ITGBL1: variants seen among roughly 807,000 people sequenced by gnomAD.
The protein encoded by ITGBL1 is integrin beta-like protein 1.
In ITGBL1, 51 loss-of-function variants were observed where a neutral mutation model predicts 68.5. The observed-to-expected ratio is 0.74, with a 90% CI of 0.59 to 0.94. ITGBL1 has a LOEUF of 0.94. Among genes scored for constraint, ITGBL1 ranks in the 40% least tolerant of loss-of-function variants. The pLI is 0.00. For missense variants in ITGBL1, 649 were observed against 647.4 expected, an observed-to-expected ratio of 1.00 and a Z score of -0.03; for synonymous variants, 209 against 227.3, an observed-to-expected ratio of 0.92 and a Z score of 0.72.
downstream of ITGBL1, chr13:101,718,040 T>A (rs1355756539): frequency 6.6e-6 from 1 of 152,144 alleles, no homozygotes; most frequent in Non-Finnish European, 1.5e-5. Flanking sequence ...GTTCAAAATG[T>A]GATTCATCTA....
chr13:101,635,018 C>CT (rs149815835), intron 7 of ITGBL1, among the ~76,000 whole-genome samples: 16,094 of 148,280 alleles, frequency 0.11, 1,088 homozygotes, highest in African/African-American at 0.2. Flanking sequence ...TTCGAATTTC[C>CT]TTTTTTTTTA....
intron 1 of ITGBL1, among the ~76,000 whole-genome samples, chr13:101,453,373 A>T (rs2048190650): frequency 6.6e-6 from 1 of 152,178 alleles, no homozygotes; most frequent in Admixed American, 6.5e-5. Flanking sequence ...GTTCCTAAAG[A>T]CTGCTTAATG....
intron 6 of ITGBL1, among the ~76,000 whole-genome samples, chr13:101,583,953 T>C (rs1035620452): frequency 1.3e-5 from 2 of 152,224 alleles, no homozygotes; most frequent in African/African-American, 4.8e-5. Context: ...ACTACAAAAC[T>C]AGCAGAGCTG....
chr13:101,480,318 T>C (rs146458284), intron 2 of ITGBL1, among the ~76,000 whole-genome samples: 146 of 151,886 alleles, frequency 9.6e-4, no homozygotes, highest in African/African-American at 3.4e-3. Flanking sequence ...TACTAGAGGC[T>C]GGGAAGGGCA....
chr13:101,646,977 C>T (rs1337474710), intron 7 of ITGBL1, among the ~76,000 whole-genome samples: 1 of 151,940 alleles, frequency 6.6e-6, no homozygotes, highest in Non-Finnish European at 1.5e-5. Flanking sequence ...ATTAAATGGG[C>T]CAAAAATCTA....
chr13:101,658,021 T>C (rs1055893439), intron 7 of ITGBL1, among the ~76,000 whole-genome samples: 49 of 152,196 alleles, frequency 3.2e-4, no homozygotes, highest in African/African-American at 1.1e-3. Flanking sequence ...CTGATTTAAG[T>C]GATTACATCT....
intron 7 of ITGBL1, among the ~76,000 whole-genome samples, chr13:101,676,259 A>G (rs1420031926): frequency 2.0e-5 from 3 of 151,996 alleles, no homozygotes; most frequent in Admixed American, 2.0e-4. Context: ...TTGTTTATCA[A>G]AATCGGTAGA....
chr13:101,596,743 C>G (rs953121845), intron 6 of ITGBL1, among the ~76,000 whole-genome samples: 7 of 152,018 alleles, frequency 4.6e-5, no homozygotes, highest in Non-Finnish European at 7.3e-5. Flanking sequence ...ATATTCCATT[C>G]TTTGGATATA....
intron 6 of ITGBL1, among the ~76,000 whole-genome samples, chr13:101,583,613 T>G (rs1295159159): frequency 8.5e-5 from 13 of 152,170 alleles, no homozygotes. Context: ...TCACATTGCA[T>G]GCCCGTATCA....
chr13:101,717,883 A>G (rs920043263), downstream of ITGBL1: 3 of 152,032 alleles, frequency 2.0e-5, no homozygotes, highest in African/African-American at 7.2e-5. Context: ...TCTGTATGTT[A>G]TTATCCTTTT....
chr13:101,703,043 A>G (rs2034170958), intron 8 of ITGBL1, among the ~76,000 whole-genome samples: 1 of 152,192 alleles, frequency 6.6e-6, no homozygotes, highest in South Asian at 2.1e-4. Context: ...TGTCTCAGGC[A>G]TTGTGTTAGG....
chr13:101,553,382 A>G (rs1329691755), intron 2 of ITGBL1, among the ~76,000 whole-genome samples: 3 of 152,282 alleles, frequency 2.0e-5, no homozygotes, highest in East Asian at 3.9e-4. Context: ...CCTCTTAAGC[A>G]TATATATTAA....
chr13:101,553,887 G>A (rs1209777909), intron 2 of ITGBL1, among the ~76,000 whole-genome samples: 1 of 151,968 alleles, frequency 6.6e-6, no homozygotes, highest in Non-Finnish European at 1.5e-5. Context: ...CAATTCAACT[G>A]TCTCAACCTC....
At chr13:101,517,727 G>A (rs1313683662) in intron 2 of ITGBL1, among the ~76,000 whole-genome samples, 5 of 152,200 alleles carry the variant, frequency 3.3e-5, no homozygotes, top group African/African-American at 4.8e-5. Flanking sequence ...AGCCAGTGTG[G>A]TGGAGGGTTA....
chr13:101,720,370 C>T (rs1224692093), downstream of ITGBL1: 1 of 151,982 alleles, frequency 6.6e-6, no homozygotes, highest in East Asian at 1.9e-4. Flanking sequence ...TTATAGACAC[C>T]CCATATATAA....
Position 101,453,952 on chromosome 13 carries a change from G to GC in ITGBL1, c.173dup (p.Ala60GlyfsTer21), listed in dbSNP as rs1002541329. The GC allele has an allele frequency of 1.3e-5, 20 of 1,489,892 alleles. No homozygotes were observed. The African/African-American group carries it at 2.4e-4, about 18-fold the overall frequency. 92.3% of individuals were successfully genotyped at this position (1,489,892 alleles called of 1,614,324 possible). ...AGCGACGCTGCCGCGCACCTGGGCA[G>GC]CCCCCGGGGGCCGCGCTGTGCCACG... On this transcript the variant is annotated frameshift_variant, in exon 2 of 11. Coordinates refer to ENST00000376180, the MANE Select transcript of ITGBL1 (RefSeq NM_004791.3). LOFTEE classifies it high-confidence loss of function.
chr13:101,661,093 G>A (rs755221200), intron 7 of ITGBL1, among the ~76,000 whole-genome samples: 6 of 151,122 alleles, frequency 4.0e-5, no homozygotes, highest in South Asian at 2.1e-4. Context: ...AGGAATTAAC[G>A]GATATACATA....
intron 2 of ITGBL1, among the ~76,000 whole-genome samples, chr13:101,530,172 C>G (rs939805449): frequency 3.3e-5 from 5 of 151,686 alleles, no homozygotes; most frequent in African/African-American, 1.2e-4. Flanking sequence ...TACTTTAGTA[C>G]GAAGACTAGA....
chr13:101,675,586 C>A (rs943307379), intron 7 of ITGBL1, among the ~76,000 whole-genome samples: 1 of 152,108 alleles, frequency 6.6e-6, no homozygotes, highest in African/African-American at 2.4e-5. Flanking sequence ...ATTAGGGTCA[C>A]CTTAATGATC....
Sources: gnomAD v4.1 joint callset for allele counts (sites outside exome capture counted in the v4.1 genomes callset) on GRCh38, gnomAD v4.1.1 for gene constraint, MANE v1.5 for transcripts, NCBI Gene and HGNC (gene_info 2026-07-23, HGNC 2026-07-21) for gene names.